The following TRIM66 variants were observed in gnomAD, a reference collection of about 807,000 sequenced individuals.
The protein encoded by TRIM66 is tripartite motif containing 66.
Under a neutral mutation model 148.2 loss-of-function variants are expected in TRIM66, and 99 were observed. The ratio of observed to expected loss-of-function variants is 0.67; its 90% confidence interval spans 0.57 to 0.79. TRIM66 has a LOEUF of 0.79. Among genes scored for constraint, TRIM66 ranks in the 30% least tolerant of loss-of-function variants. The probability of loss-of-function intolerance (pLI) is 0.00; values close to 1 mark genes in which losing one functional copy is unlikely to be tolerated. For synonymous variants in TRIM66, 616 were observed against 635.9 expected (o/e 0.97, Z 0.47); for missense variants, 1,666 against 1,697.9 (o/e 0.98, Z 0.33).
In TRIM66 at chr11:8,651,825, G is replaced by A; in HGVS notation, c.419C>T (p.Pro140Leu). Residue 140 changes from proline (P) to leucine (L), a missense_variant, in exon 7 of 25, where the codon CCT becomes CTT. Around this residue, in one of 3 missense-constraint regions of TRIM66, gnomAD observed 1,431 missense variants for 1,412.4 expected, o/e 1.01. Coordinates refer to ENST00000646038, the MANE Select transcript of TRIM66 (RefSeq NM_001388022.1). The stretch of plus-strand genomic sequence containing the variant: ...CCTGGCCATCTTGGGTTGCTCAGTA[G>A]GAACACAATGCAGAAAAAAATGTTC... ...VTEHFFLHCV[P>L]TEQPKMARNC... is the part of the protein sequence containing the mutation. 6.4e-7 allele frequency: 1 copy of A among 1,551,678 alleles called. No homozygotes were observed.
Position 8,620,068 on chromosome 11 carries a change from A to G in TRIM66, c.3729T>C (p.His1243=). 6.4e-7 allele frequency: 1 copy of G among 1,551,778 alleles called. No homozygotes were observed. The highest frequency in any genetic ancestry group is 8.7e-7 in the Non-Finnish European group (1 of 1,146,996). ...LCCNNLSLPF[H]EPVSPLARHY... ...TCCTTACCAGGGGGCTGACAGGTTC[A>G]TGGAAGGGCAGGCTGAGGTTATTGC... The change falls in exon 22 of 25, where the codon CAT becomes CAC. Residue 1243 remains histidine, a synonymous_variant. Coordinates refer to ENST00000646038, the MANE Select transcript of TRIM66 (RefSeq NM_001388022.1).
At chr11:8,672,139 A>G (rs1385845445) in intron 5 of TRIM66, 41 bp from the exon 6 acceptor site, 2 of 1,528,626 alleles carry the variant, frequency 1.3e-6, no homozygotes, top group Non-Finnish European at 1.7e-6. Flanking sequence ...ACTTATTTTG[A>G]GCAGAAAAAA....
rs1337636292 is a variant in TRIM66 at position 8,613,295 on chromosome 11, G to A, written c.*4649C>T. ...AGAGACTTGTTTTTCTGGATTCTCTGAGAATCCAGAGACTTGTGGTGTCAT... is the reference window on the plus strand; with the variant it reads ...AGAGACTTGTTTTTCTGGATTCTCTAAGAATCCAGAGACTTGTGGTGTCAT... On this transcript the variant is annotated 3_prime_UTR_variant, in exon 25 of 25. Coordinates refer to ENST00000646038, the MANE Select transcript of TRIM66 (RefSeq NM_001388022.1). The A allele has an allele frequency of 2.0e-5, 3 of 152,124 alleles. No homozygotes were observed. The highest frequency in any genetic ancestry group is 7.2e-5 in the African/African-American group (3 of 41,398). The allele number at this position is 152,124 out of a possible 1,614,324, so 9.4% of individuals were successfully genotyped here. A position where few individuals can be genotyped will look rare whatever the true frequency, so the allele number is the denominator to read the frequency against.
In TRIM66 at chr11:8,618,899, A is replaced by T; in HGVS notation, c.3970T>A (p.Tyr1324Asn). ...GGCTGGGCAAACCGTTTCTCCGGGTAGATCTCCTTCAACCAGCCCTCAAAG... is the reference window on the plus strand; with the variant it reads ...GGCTGGGCAAACCGTTTCTCCGGGTTGATCTCCTTCAACCAGCCCTCAAAG... ...VFFEGWLKEI[Y>N]PEKRFAQPRQ... The change falls in exon 24 of 25, where the codon TAC (tyrosine) becomes AAC (asparagine). Residue 1324 changes from tyrosine to asparagine, a missense_variant. By Grantham distance (143) the Tyr-to-Asn change is moderately radical. This residue lies in a region of TRIM66 where 204 missense variants were observed against 231.0 expected (regional missense o/e 0.88). Transcript: ENST00000646038. 1 of 1,551,394 alleles carries T rather than the reference A, an allele frequency of 6.4e-7. No individual in the cohort carries two copies. Among genetic ancestry groups the T allele is most frequent in the Non-Finnish European group, 8.7e-7 (1 of 1,146,946 alleles).
intron 6 of TRIM66, among the ~76,000 whole-genome samples, chr11:8,659,476 G>C (rs940762564): frequency 6.6e-6 from 1 of 152,184 alleles, no homozygotes; most frequent in African/African-American, 2.4e-5. Flanking sequence ...GAATCAAGTG[G>C]AGGGGCTGTC....
rs1236861133 is a variant in TRIM66, at chr11:8,621,261, T to C, written c.3316A>G (p.Thr1106Ala). ...CGCTGCCCAGCCAAAGAAGTGACAGTGACCTTTCTTCCCTCCAGACCTGGG... is the reference window on the plus strand; with the variant it reads ...CGCTGCCCAGCCAAAGAAGTGACAGCGACCTTTCTTCCCTCCAGACCTGGG... ...QAPGLEGRKV[T>A]VTSLAGQRPP... Residue 1106 changes from threonine to alanine, a missense_variant, in exon 20 of 25, where the codon ACT becomes GCT. Transcript: ENST00000646038. 1.3e-6 allele frequency: 2 copies of C among 1,551,696 alleles called. No homozygotes were observed. Among genetic ancestry groups the C allele is most frequent in the Admixed American group, 2.0e-5 (1 of 51,004 alleles).
rs920037537 is a variant in TRIM66, at chr11:8,671,768, T to C, written c.340+18A>G. ...TGTTATGTAGTGGGAGGTGAACTTGTGGTGCCTTTGTACTTACCATCTGCA... is the reference window on the plus strand; with the variant it reads ...TGTTATGTAGTGGGAGGTGAACTTGCGGTGCCTTTGTACTTACCATCTGCA... On this transcript the variant is annotated intron_variant, in intron 6 of 24. Transcript: ENST00000646038. 8.3e-6 allele frequency: 9 copies of C among 1,088,168 alleles called. No individual in the cohort carries two copies. The African/African-American group carries it at 1.4e-4, about 17-fold the overall frequency. 67.4% of individuals were successfully genotyped at this position (1,088,168 alleles called of 1,614,324 possible).
intron 4 of TRIM66, 83 bp from the exon 5 acceptor site, chr11:8,672,468 G>T: frequency 1.5e-6 from 2 of 1,353,102 alleles, no homozygotes; most frequent in Non-Finnish European, 1.9e-6. Flanking sequence ...TATTTCAAAG[G>T]GGTTGAGACA....
intron 3 of TRIM66, 57 bp from the exon 4 acceptor site, chr11:8,674,940 A>G (rs1409679437): frequency 1.3e-5 from 2 of 152,226 alleles, no homozygotes; most frequent in Non-Finnish European, 2.9e-5. Context: ...ATATTCTTTG[A>G]TACCACACCA....
chr11:8,669,645 A>G (rs79314068), intron 6 of TRIM66, among the ~76,000 whole-genome samples: 1 of 149,790 alleles, frequency 6.7e-6, no homozygotes, highest in East Asian at 2.0e-4. Flanking sequence ...CCTGTCTCAA[A>G]AAAAAAAAAA....
At chr11:8,650,552 A>T (rs1384924737) in intron 7 of TRIM66, among the ~76,000 whole-genome samples, 1 of 152,142 alleles carries the variant, frequency 6.6e-6, no homozygotes, top group Non-Finnish European at 1.5e-5. Context: ...GGCTGTTCAC[A>T]CAAGTCCTGT....
Position 8,652,761 on chromosome 11 carries a change from T to C in TRIM66, c.341-858A>G, listed in dbSNP as rs1023007415. ...CCTGTGTCCAGGGATGAGGGTGATCTGGAAAGGGGTTGGCTATGGCAGTGA... is the reference window on the plus strand; with the variant it reads ...CCTGTGTCCAGGGATGAGGGTGATCCGGAAAGGGGTTGGCTATGGCAGTGA... On this transcript the variant is annotated intron_variant, in intron 6 of 24. Transcript: ENST00000646038. Among the ~76,000 whole-genome samples, 7 of 152,330 alleles carry C rather than the reference T, an allele frequency of 4.6e-5. No individual in the cohort carries two copies. In the East Asian group the frequency reaches 1.2e-3, roughly 25 times the overall value.
rs1039471579 is a variant in TRIM66, at chr11:8,638,585, C to T, written c.2310+69G>A. 1.8e-5 allele frequency: 27 copies of T among 1,506,596 alleles called. 1 individual carries two copies. The East Asian group carries it at 5.9e-4, about 33-fold the overall frequency. The allele number at this position is 1,506,596 out of a possible 1,614,324, so 93.3% of individuals were successfully genotyped here. On this transcript the variant is annotated intron_variant, in intron 15 of 24. Coordinates refer to ENST00000646038, the MANE Select transcript of TRIM66 (RefSeq NM_001388022.1). ...CTCCTCCCCCCACCCTATCCTCCTC[C>T]TCCAAGTGCCTGGGGTCTTGGCTGG...
Position 8,641,095 on chromosome 11 carries a change from C to T in TRIM66, c.1280G>A (p.Gly427Asp). 6.4e-7 allele frequency: 1 copy of T among 1,551,682 alleles called. No individual in the cohort carries two copies. The highest frequency in any genetic ancestry group is 8.7e-7 in the Non-Finnish European group (1 of 1,146,960). ...ATAAAAGGGTGATGACCCCTGTAAG[C>T]CTCCATAAGCAGGAGCATCTGCCCT... ...MSRADAPAYG[G>D]LQGSSPFYQS... Residue 427 changes from glycine to aspartate, a missense_variant, in exon 14 of 25, where the codon GGC (glycine) becomes GAC (aspartate). This residue lies in a region of TRIM66 where 1,431 missense variants were observed against 1,412.4 expected (regional missense o/e 1.01). Coordinates refer to ENST00000646038, the MANE Select transcript of TRIM66 (RefSeq NM_001388022.1).
intron 6 of TRIM66, among the ~76,000 whole-genome samples, chr11:8,653,842 A>G (rs537010739): frequency 6.6e-6 from 1 of 152,044 alleles, no homozygotes; most frequent in Admixed American, 6.5e-5. Context: ...TTGCAGAGCC[A>G]TGGGTGTTAA....
intron 19 of TRIM66, 133 bp downstream of exon 19, chr11:8,621,512 G>A (rs1488332528): frequency 1.5e-6 from 2 of 1,312,612 alleles, no homozygotes; most frequent in African/African-American, 3.0e-5. Flanking sequence ...TGCAGCAGGG[G>A]ACAACGTCTG....
rs116443870 is a variant in TRIM66 at position 8,680,505 on chromosome 11, C to G, written c.-547-442G>C. On this transcript the variant is annotated intron_variant, in intron 1 of 24. Transcript: ENST00000646038. ...GAAGCACATTGGGGAGATACAGAAA[C>G]AAAAGGATAGGGTGACAGTGTAGTA... Among the ~76,000 whole-genome samples, 224 of 152,128 alleles carry G rather than the reference C, an allele frequency of 1.5e-3. 1 individual carries two copies. Among genetic ancestry groups the G allele is most frequent in the African/African-American group, 5.0e-3 (209 of 41,494 alleles).
intron 6 of TRIM66, among the ~76,000 whole-genome samples, chr11:8,652,979 T>C (rs1045047497): frequency 2.6e-5 from 4 of 152,186 alleles, no homozygotes; most frequent in African/African-American, 7.2e-5. Flanking sequence ...ATATGTAAAA[T>C]AGGGAAAATA....
chr11:8,682,745 G>C, upstream of TRIM66: 4 of 1,608,076 alleles, frequency 2.5e-6, no homozygotes, highest in South Asian at 4.4e-5. Flanking sequence ...GAGGCGTTTT[G>C]CCCCGCCCCC....
Sources: allele counts gnomAD v4.1 joint callset (sites outside exome capture counted in the v4.1 genomes callset), GRCh38; gene constraint gnomAD v4.1.1; regional missense constraint gnomAD v4.1.1; transcripts MANE v1.5; gene names NCBI Gene and HGNC (gene_info 2026-07-23, HGNC 2026-07-21).